CPAMD8: variants seen among roughly 807,000 people sequenced by gnomAD.
CPAMD8 encodes the protein C3 and PZP like alpha-2-macroglobulin domain containing 8.
CPAMD8 carries 146 observed loss-of-function variants against 224.7 expected under a neutral mutation model. The observed-to-expected ratio is 0.65, with a 90% CI of 0.57 to 0.75. CPAMD8 has a LOEUF of 0.75. Among genes scored for constraint, CPAMD8 ranks in the 30% least tolerant of loss-of-function variants. CPAMD8 has a pLI of 0.00. For missense variants in CPAMD8, 2,301 were observed against 2,537.5 expected (o/e 0.91, Z 2.00); for synonymous variants, 966 against 1,044.6 (o/e 0.92, Z 1.45).
rs371861480 is a variant in CPAMD8, at chr19:16,975,984, C to T, written c.1908+18G>A. The T allele has an allele frequency of 1.9e-6, 3 of 1,562,080 alleles. No homozygotes were observed. The highest frequency in any genetic ancestry group is 2.6e-6 in the Non-Finnish European group (3 of 1,152,226). ...GCCCCGTGGAGGTCTAGAACCCAAG[C>T]CCGAGGGGTCTGCTCACCTGGGCAG... On this transcript the variant is annotated intron_variant, in intron 16 of 41. Coordinates refer to ENST00000443236, the MANE Select transcript of CPAMD8 (RefSeq NM_015692.5).
intron 24 of CPAMD8, among the ~76,000 whole-genome samples, 167 bp downstream of exon 24, chr19:16,928,775 T>C (rs1295285032): frequency 6.6e-6 from 1 of 151,796 alleles, no homozygotes; most frequent in Non-Finnish European, 1.5e-5. Context: ...ACATGTTTTT[T>C]TTTTTTTTTC....
Position 16,896,226 on chromosome 19 carries a change from G to A in CPAMD8, c.5376C>T (p.Gly1792=). Residue 1792 remains glycine, a synonymous_variant, in exon 41 of 42, where the codon GGC becomes GGT. Transcript: ENST00000443236. ...CAGGGTCTGAGTCCTCCACCTCAAG[G>A]CCGGCTCCATTCAGCTTCACGTCCT... The part of the protein sequence containing the change: ...LQQDVKLNGA[G]LEVEDSDPEP... 2 of 1,613,820 alleles carry A rather than the reference G, an allele frequency of 1.2e-6. No homozygotes were observed. Among genetic ancestry groups the A allele is most frequent in the Non-Finnish European group, 1.7e-6 (2 of 1,179,998 alleles).
At position 16,997,167 on chromosome 19, in the gene CPAMD8, G is replaced by C. The variant is rs140481939; in HGVS notation, c.1039C>G (p.Arg347Gly). The change falls in exon 11 of 42, where the codon CGG (arginine) becomes GGG (glycine). Residue 347 changes from arginine (R) to glycine (G), a missense_variant. Arg to Gly is a moderately radical substitution (Grantham distance 125, BLOSUM62 -2). Coordinates refer to ENST00000443236, the MANE Select transcript of CPAMD8 (RefSeq NM_015692.5). Reference sequence around the variant, plus strand: ...TGCTTCCTCGTGTCCTTGGAGTACCGGATGTCCACCAGCTGCCTCTGCACG... The same window carrying C: ...TGCTTCCTCGTGTCCTTGGAGTACCCGATGTCCACCAGCTGCCTCTGCACG... ...TPVQRQLVDI[R>G]YSKDTRKQFK... The C allele has an allele frequency of 3.7e-6, 6 of 1,603,036 alleles. No homozygotes were observed. Among genetic ancestry groups the C allele is most frequent in the African/African-American group, 1.3e-5 (1 of 74,634 alleles).
rs369176578 is a variant in CPAMD8, at chr19:16,896,292, G to C, written c.5310C>G (p.Tyr1770Ter). Residue 1770 changes from tyrosine to a stop codon, truncating the protein, a stop_gained, in exon 41 of 42, where the codon TAC (tyrosine) becomes TAG (stop). Coordinates refer to ENST00000443236, the MANE Select transcript of CPAMD8 (RefSeq NM_015692.5). LOFTEE classifies it high-confidence loss of function. ...GGGCCACAGAAGCCAGGTCATCCCC[G>C]TAGGTGGAGGACGACGAGGCCGGCA... Reference protein sequence around the residue: ...QRLPASSSSTYGDDLASVAPG... With the variant: ...QRLPASSSST 6.2e-7 allele frequency: 1 copy of C among 1,612,380 alleles called. No individual in the cohort carries two copies. The highest frequency in any genetic ancestry group is 1.3e-5 in the African/African-American group (1 of 74,992).
chr19:17,016,489 A>G, intron 3 of CPAMD8, among the ~76,000 whole-genome samples: 1 of 152,162 alleles, frequency 6.6e-6, no homozygotes. Flanking sequence ...GGCTGGGTGC[A>G]GTGGCTCACA....
chr19:16,950,510 C>A (rs558120127), intron 20 of CPAMD8, among the ~76,000 whole-genome samples: 2 of 151,914 alleles, frequency 1.3e-5, no homozygotes, highest in East Asian at 3.9e-4. Context: ...AGAGAGGGGC[C>A]AAATGCAGTG....
chr19:16,925,086 C>T (rs2053311583), intron 26 of CPAMD8, 110 bp downstream of exon 26: 1 of 1,171,942 alleles, frequency 8.5e-7, no homozygotes, highest in Admixed American at 1.9e-5. Context: ...CCCACTTCCT[C>T]CCCTTTGCTG....
At chr19:16,945,338 G>A (rs2054034400) in intron 22 of CPAMD8, among the ~76,000 whole-genome samples, 1 of 152,146 alleles carries the variant, frequency 6.6e-6, no homozygotes, top group Non-Finnish European at 1.5e-5. Flanking sequence ...CTTTACCGAA[G>A]CCCACTCTGC....
At position 16,897,857 on chromosome 19, in the gene CPAMD8, G is replaced by T. The variant is rs367582857; in HGVS notation, c.4954+32C>A. The T allele has an allele frequency of 4.4e-6, 7 of 1,580,082 alleles. No homozygotes were observed. The African/African-American group carries it at 8.1e-5, about 18-fold the overall frequency. Reference sequence around the variant, plus strand: ...GCAGGCGCGACGGGTCAGGGACCGGGCCGGGCCGGGGGTGCGGGCGCGCGG... The same window carrying T: ...GCAGGCGCGACGGGTCAGGGACCGGTCCGGGCCGGGGGTGCGGGCGCGCGG... On this transcript the variant is annotated intron_variant, in intron 38 of 41. Transcript: ENST00000443236.
intron 26 of CPAMD8, among the ~76,000 whole-genome samples, chr19:16,924,311 T>C (rs1193229132): frequency 2.6e-5 from 4 of 151,940 alleles, no homozygotes; most frequent in African/African-American, 4.8e-5. Context: ...GAACTGCGAG[T>C]TGGCTGGATG....
intron 27 of CPAMD8, among the ~76,000 whole-genome samples, chr19:16,916,067 T>C (rs1431854542): frequency 6.6e-6 from 1 of 151,756 alleles, no homozygotes; most frequent in African/African-American, 2.4e-5. Context: ...CAGGCTGGAG[T>C]GCAGTGGTGC....
Position 16,928,303 on chromosome 19 carries a change from C to T in CPAMD8, c.3145-69G>A, listed in dbSNP as rs1599719375. On this transcript the variant is annotated intron_variant, in intron 24 of 41. Coordinates refer to ENST00000443236, the MANE Select transcript of CPAMD8 (RefSeq NM_015692.5). ...GCAGTAGGCACTCAGGTGGCAGTGA[C>T]ACCAGCTTTGTGGCCAGGGTCAGAG... is the stretch of plus-strand genomic sequence containing the variant. 6 of 1,319,022 alleles carry T rather than the reference C, an allele frequency of 4.5e-6. No individual in the cohort carries two copies. The East Asian group carries it at 1.2e-4, about 26-fold the overall frequency. The allele number at this position is 1,319,022 out of a possible 1,614,324, so 81.7% of individuals were successfully genotyped here.
chr19:17,021,727 C>G (rs1003889814), intron 2 of CPAMD8, among the ~76,000 whole-genome samples: 1 of 152,198 alleles, frequency 6.6e-6, no homozygotes, highest in Non-Finnish European at 1.5e-5. Flanking sequence ...CTTCAGGTCC[C>G]CTGTCCCACC....
intron 25 of CPAMD8, among the ~76,000 whole-genome samples, chr19:16,927,206 T>C (rs2053393928): frequency 6.6e-6 from 1 of 152,058 alleles, no homozygotes. Flanking sequence ...TGGGAAGGAC[T>C]CGGTGGGAGA....
chr19:16,939,591 C>T (rs954701624), intron 22 of CPAMD8, among the ~76,000 whole-genome samples: 3 of 152,140 alleles, frequency 2.0e-5, no homozygotes, highest in Non-Finnish European at 4.4e-5. Flanking sequence ...TGGGCGCGTC[C>T]AGGAAGTGCT....
At chr19:16,984,117 A>C (rs1018200315) in intron 13 of CPAMD8, among the ~76,000 whole-genome samples, 2 of 152,122 alleles carry the variant, frequency 1.3e-5, no homozygotes, top group Non-Finnish European at 2.9e-5. Flanking sequence ...TAGTCTTTTT[A>C]ACAAACAGTG....
Position 16,971,010 on chromosome 19 carries a change from G to T in CPAMD8, c.2094C>A (p.Thr698=). The T allele has an allele frequency of 6.2e-7, 1 of 1,609,900 alleles. No homozygotes were observed. Among genetic ancestry groups the T allele is most frequent in the Middle Eastern group, 1.7e-4 (1 of 6,054 alleles). ...GCCGGTGGTTCAGGCTCACTCGGTC[G>T]GTCATCACCACCAGTCCCGTTTCCT... The part of the protein sequence containing the change: ...AFTETGLVVM[T]DRVSLNHRQD... Residue 698 remains threonine (T), a synonymous_variant, in exon 18 of 42, where the codon ACC becomes ACA. Coordinates refer to ENST00000443236, the MANE Select transcript of CPAMD8 (RefSeq NM_015692.5).
At chr19:17,008,415 A>G (rs1412511001) in intron 7 of CPAMD8, 90 bp downstream of exon 7, 7 of 1,488,480 alleles carry the variant, frequency 4.7e-6, no homozygotes, top group Non-Finnish European at 6.5e-6. Context: ...GTGGGGGTAC[A>G]TTAGCGGTGG....
chr19:16,905,925 A>G (rs1239301127), intron 30 of CPAMD8, among the ~76,000 whole-genome samples: 1 of 152,088 alleles, frequency 6.6e-6, no homozygotes, highest in Non-Finnish European at 1.5e-5. Context: ...TGACAGCTCA[A>G]AAAAGCTTTC....
Sources: allele counts gnomAD v4.1 joint callset (sites outside exome capture counted in the v4.1 genomes callset), GRCh38; gene constraint gnomAD v4.1.1; transcripts MANE v1.5; gene names NCBI Gene and HGNC (gene_info 2026-07-23, HGNC 2026-07-21).